The following AHDC1 variants were observed in gnomAD, a reference collection of about 807,000 sequenced individuals.
AHDC1 encodes AT-hook DNA binding motif containing 1.
AHDC1 carries 7 observed loss-of-function variants against 87.9 expected under a neutral mutation model. That is an observed-to-expected ratio of 0.08 (90% CI 0.05 to 0.15). AHDC1 has a LOEUF of 0.15. Ranked by LOEUF, AHDC1 falls within the 10% of genes least tolerant of loss-of-function variation. AHDC1 has a pLI of 1.00. For missense variants in AHDC1, 1,841 were observed against 2,253.2 expected, an observed-to-expected ratio of 0.82 and a Z score of 3.70; for synonymous variants, 1,051 against 1,006.8, an observed-to-expected ratio of 1.04 and a Z score of -0.83.
intron 5 of AHDC1, among the ~76,000 whole-genome samples, chr1:27,556,210 CCCTTCCCCAGCCCT>C: frequency 6.7e-6 from 1 of 148,642 alleles, no homozygotes; most frequent in Non-Finnish European, 1.5e-5. Flanking sequence ...ACCACCCCAC[CCCTTCCCCAGCCCT>C]CCTTCCCCTC....
At chr1:27,574,119 G>C (rs928245934) in intron 3 of AHDC1, among the ~76,000 whole-genome samples, 1 of 152,212 alleles carries the variant, frequency 6.6e-6, no homozygotes, top group African/African-American at 2.4e-5. Flanking sequence ...GCAAGGAGAT[G>C]AGAGGAAGAG....
At chr1:27,589,382 T>A (rs189754902) in intron 3 of AHDC1, among the ~76,000 whole-genome samples, 1 of 152,330 alleles carries the variant, frequency 6.6e-6, no homozygotes, top group Admixed American at 6.5e-5. Context: ...TGGGCCTTTG[T>A]CTCAGTGTGT....
chr1:27,570,215 G>A (rs1335300183), intron 3 of AHDC1, among the ~76,000 whole-genome samples: 2 of 151,572 alleles, frequency 1.3e-5, no homozygotes, highest in South Asian at 2.1e-4. Context: ...GCCCTGCCGG[G>A]ATCAGATACC....
intron 8 of AHDC1, among the ~76,000 whole-genome samples, chr1:27,537,644 A>G (rs887223299): frequency 6.6e-6 from 1 of 152,174 alleles, no homozygotes; most frequent in African/African-American, 2.4e-5. Context: ...CCAGGGCAGG[A>G]ACCTATATGT....
rs1172616256 is a variant in AHDC1 at position 27,550,142 on chromosome 1, G to A, written c.1974C>T (p.Phe658=). Residue 658 remains phenylalanine, a synonymous_variant, in exon 8 of 9, where the codon TTC becomes TTT. Coordinates refer to ENST00000673934, the MANE Select transcript of AHDC1 (RefSeq NM_001371928.1). ...GCCGGAAGCCCTGCACACGATGCAG[G>A]AAGTGGGAGATGCTCTGGGTGTCGG... ...QAPDTQSISH[F]LHRVQGFRRR... 3 of 1,610,894 alleles carry A rather than the reference G, an allele frequency of 1.9e-6. No homozygotes were observed. Among genetic ancestry groups the A allele is most frequent in the Non-Finnish European group, 8.5e-7 (1 of 1,179,916 alleles).
rs373632004 is a variant in AHDC1, at chr1:27,597,267, G to T, written c.-629+6130C>A. Among the ~76,000 whole-genome samples the T allele has an allele frequency of 2.0e-5, 3 of 152,336 alleles. 1 individual carries two copies. Among genetic ancestry groups the T allele is most frequent in the African/African-American group, 2.4e-5 (1 of 41,560 alleles). ...CCTGTACAGGGAAGGAAGCACAGGT[G>T]CGTGTTCACCAGCTATGTTCGTGAG... On this transcript the variant is annotated intron_variant, in intron 3 of 8. Transcript: ENST00000673934.
intron 8 of AHDC1, among the ~76,000 whole-genome samples, chr1:27,546,876 G>T (rs2019191479): frequency 6.6e-6 from 1 of 152,228 alleles, no homozygotes; most frequent in East Asian, 1.9e-4. Context: ...CTCACACAGG[G>T]CGATACAAAT....
intron 3 of AHDC1, among the ~76,000 whole-genome samples, chr1:27,597,366 AGTGT>A (rs1172789334): frequency 6.8e-6 from 1 of 146,716 alleles, no homozygotes; most frequent in Admixed American, 6.8e-5. Context: ...ACAGTGTGAG[AGTGT>A]GTGTGTGAGA....
intron 3 of AHDC1, among the ~76,000 whole-genome samples, chr1:27,571,517 CCCT>C (rs1251814961): frequency 6.6e-6 from 1 of 152,028 alleles, no homozygotes; most frequent in Non-Finnish European, 1.5e-5. Context: ...CGGCCCACAG[CCCT>C]CCCCCCAGGC....
chr1:27,556,911 C>T (rs1483026875), intron 5 of AHDC1, among the ~76,000 whole-genome samples: 1 of 152,096 alleles, frequency 6.6e-6, no homozygotes, highest in Non-Finnish European at 1.5e-5. Flanking sequence ...TCTCCCTCGC[C>T]ACTAGGTGTC....
At chr1:27,544,717 A>G (rs900181642) in intron 8 of AHDC1, among the ~76,000 whole-genome samples, 6 of 152,302 alleles carry the variant, frequency 3.9e-5, no homozygotes, top group African/African-American at 1.4e-4. Context: ...GGGTTGCCCT[A>G]GAGCCTGTGG....
intron 3 of AHDC1, among the ~76,000 whole-genome samples, chr1:27,559,552 T>G (rs995527690): frequency 2.6e-5 from 4 of 152,324 alleles, no homozygotes; most frequent in Non-Finnish European, 5.9e-5. Context: ...AGTTTTCTCA[T>G]GTATAAAATA....
chr1:27,547,894 A>G lies in AHDC1; in HGVS notation c.4222T>C (p.Phe1408Leu). 6.4e-7 allele frequency: 1 copy of G among 1,556,754 alleles called. No individual in the cohort carries two copies. Among genetic ancestry groups the G allele is most frequent in the Admixed American group, 1.8e-5 (1 of 55,756 alleles). ...YSPTCSPTLG[F>L]KEELRPPPTK... ...GGCGGTGGCCGCAGCTCTTCCTTGA[A>G]GCCCAGTGTAGGCGAGCAGGTGGGC... Residue 1408 changes from phenylalanine (F) to leucine (L), a missense_variant, in exon 8 of 9, where the codon TTC (phenylalanine) becomes CTC (leucine). Around this residue, in one of 13 missense-constraint regions of AHDC1, gnomAD observed 505 missense variants for 626.2 expected, o/e 0.81. Coordinates refer to ENST00000673934, the MANE Select transcript of AHDC1 (RefSeq NM_001371928.1). The surrounding 1 kb of genome is among the most constrained non-coding windows in gnomAD (Gnocchi z 4.9).
chr1:27,602,144 C>T (rs931032176), intron 3 of AHDC1, among the ~76,000 whole-genome samples: 7 of 152,088 alleles, frequency 4.6e-5, no homozygotes, highest in Non-Finnish European at 8.8e-5. Flanking sequence ...GAACCGAGGG[C>T]ACCAGGCTCA....
chr1:27,560,343 G>A lies in AHDC1; in HGVS notation c.-628-1460C>T, dbSNP rs1011377161. On this transcript the variant is annotated intron_variant, in intron 3 of 8. Coordinates refer to ENST00000673934, the MANE Select transcript of AHDC1 (RefSeq NM_001371928.1). This position sits in a 1 kb window ranked among gnomAD's most constrained non-coding sequence, Gnocchi z 4.1. ...GCCTGGGTGTGCACACGCTTTGCCT[G>A]GCTCTCTGCATCTCGCTGTGTCAGG... Among the ~76,000 whole-genome samples, 1 of 152,096 alleles carries A rather than the reference G, an allele frequency of 6.6e-6. No homozygotes were observed. The highest frequency in any genetic ancestry group is 1.5e-5 in the Non-Finnish European group (1 of 68,012).
intron 3 of AHDC1, among the ~76,000 whole-genome samples, chr1:27,584,613 C>G (rs2088995666): frequency 6.6e-6 from 1 of 152,182 alleles, no homozygotes; most frequent in Non-Finnish European, 1.5e-5. Context: ...GAGGCCAACC[C>G]TTCCACCTCT....
intron 8 of AHDC1, among the ~76,000 whole-genome samples, chr1:27,535,811 G>A (rs539560913): frequency 8.6e-5 from 13 of 152,044 alleles, no homozygotes; most frequent in East Asian, 1.9e-4. Context: ...TTATGCTTGC[G>A]GGGCCCTGGG....
Position 27,565,257 on chromosome 1 carries a change from C to G in AHDC1, c.-628-6374G>C, listed in dbSNP as rs759339551. Among the ~76,000 whole-genome samples, 2 of 152,124 alleles carry G rather than the reference C, an allele frequency of 1.3e-5. No homozygotes were observed. Among genetic ancestry groups the G allele is most frequent in the Non-Finnish European group, 2.9e-5 (2 of 67,986 alleles). On this transcript the variant is annotated intron_variant, in intron 3 of 8. Transcript: ENST00000673934. This position sits in a 1 kb window ranked among gnomAD's most constrained non-coding sequence, Gnocchi z 4.6. Reference sequence around the variant, plus strand: ...AGGCACCCCTACTCCCCCGCCTGGCCCCTTGGTGAGTAGTGCCCAGACCCC... The same window carrying G: ...AGGCACCCCTACTCCCCCGCCTGGCGCCTTGGTGAGTAGTGCCCAGACCCC...
rs775875766 is a variant in AHDC1 at position 27,549,936 on chromosome 1, C to T, written c.2180G>A (p.Gly727Asp). ...AGTCACAGCGTCTACCTCCCCCCGG[C>T]CCCGTTTGCGTGGGTGCCCCAACTC... ...LTELGHPRKR[G>D]RGEVDAVTGK... The change falls in exon 8 of 9, where the codon GGC (glycine) becomes GAC (aspartate). Residue 727 changes from glycine to aspartate, a missense_variant. Physicochemically the swap from Gly to Asp is moderately conservative, Grantham distance 94 (BLOSUM62 -1). Coordinates refer to ENST00000673934, the MANE Select transcript of AHDC1 (RefSeq NM_001371928.1). 1 of 1,613,326 alleles carries T rather than the reference C, an allele frequency of 6.2e-7. No homozygotes were observed. The highest frequency in any genetic ancestry group is 2.2e-5 in the East Asian group (1 of 44,860).
Sources: allele counts gnomAD v4.1 joint callset (sites outside exome capture counted in the v4.1 genomes callset), GRCh38; gene constraint gnomAD v4.1.1; regional missense constraint gnomAD v4.1.1; non-coding constraint Gnocchi (gnomAD v3.1); transcripts MANE v1.5; gene names NCBI Gene and HGNC (gene_info 2026-07-23, HGNC 2026-07-21).